Variants in NRDC observed in about 807,000 individuals in gnomAD.
The protein encoded by NRDC is nardilysin.
Under a neutral mutation model 147.1 loss-of-function variants are expected in NRDC, and 54 were observed. That is an observed-to-expected ratio of 0.37 (90% CI 0.29 to 0.46). NRDC has a LOEUF of 0.46. NRDC is among the 20% of genes least tolerant of loss of function. The probability of loss-of-function intolerance (pLI) is 1.00; values close to 1 mark genes in which losing one functional copy is unlikely to be tolerated. For synonymous variants in NRDC, 440 were observed against 482.1 expected, an observed-to-expected ratio of 0.91 and a Z score of 1.14; for missense variants, 1,082 against 1,370.6, an observed-to-expected ratio of 0.79 and a Z score of 3.33.
intron 17 of NRDC, among the ~76,000 whole-genome samples, chr1:51,807,358 C>A (rs1305852168): frequency 6.6e-6 from 1 of 152,116 alleles, no homozygotes; most frequent in Non-Finnish European, 1.5e-5. Context: ...TTCATTATCA[C>A]ATAGATGAAA....
At chr1:51,834,655 T>G (rs940139756) in intron 3 of NRDC, among the ~76,000 whole-genome samples, 1 of 152,140 alleles carries the variant, frequency 6.6e-6, no homozygotes, top group Non-Finnish European at 1.5e-5. Context: ...TTTTGTAACT[T>G]TCTATTATGC....
intron 2 of NRDC, chr1:51,837,306 A>T (rs1422307508): frequency 6.5e-6 from 3 of 463,494 alleles, no homozygotes; most frequent in African/African-American, 6.0e-5. Context: ...TGTACCTGGC[A>T]TAAAGTCTAG....
rs767418210 is a variant in NRDC, at chr1:51,827,880, A to C, written c.867-11T>G. ...AAGAACTGCGCCCATCTGAACAAAA[A>C]ACAAAACTGGCATTTCCGTTTTTGT... is the stretch of plus-strand genomic sequence containing the variant. On this transcript the variant is annotated splice_polypyrimidine_tract_variant and intron_variant, in intron 4 of 30. Coordinates refer to ENST00000352171, the MANE Select transcript of NRDC (RefSeq NM_001101662.2). The C allele has an allele frequency of 1.9e-6, 3 of 1,612,678 alleles. No homozygotes were observed. Among genetic ancestry groups the C allele is most frequent in the Non-Finnish European group, 2.5e-6 (3 of 1,179,060 alleles).
At chr1:51,810,184 C>T in intron 16 of NRDC, 97 bp downstream of exon 16, 1 of 853,390 alleles carries the variant, frequency 1.2e-6, no homozygotes, top group East Asian at 3.3e-5. Flanking sequence ...AAAAATTATA[C>T]TTTTTCCCCC....
At chr1:51,815,673 G>T (rs572719044) in intron 11 of NRDC, among the ~76,000 whole-genome samples, 2 of 150,794 alleles carry the variant, frequency 1.3e-5, no homozygotes, top group Admixed American at 6.6e-5. Flanking sequence ...TCTAGTACAC[G>T]AAAGTGTCTT....
At chr1:51,790,694 A>G in intron 28 of NRDC, 45 bp from the exon 29 acceptor site, 1 of 1,352,990 alleles carries the variant, frequency 7.4e-7, no homozygotes, top group Non-Finnish European at 1.1e-6. Flanking sequence ...GCAACATACC[A>G]CTTCCCACAG....
At chr1:51,796,997 G>A (rs566288213) in intron 22 of NRDC, among the ~76,000 whole-genome samples, 15 of 151,504 alleles carry the variant, frequency 9.9e-5, no homozygotes, top group Non-Finnish European at 1.9e-4. Context: ...TCAGGAGATC[G>A]AGACCATCCT....
intron 2 of NRDC, 124 bp from the exon 3 acceptor site, chr1:51,836,336 G>C: frequency 6.2e-7 from 1 of 1,604,804 alleles, no homozygotes; most frequent in South Asian, 1.1e-5. Flanking sequence ...TTCTTTCCCT[G>C]AGAATCAGGA....
At chr1:51,856,134 T>G (rs1339978660) in intron 1 of NRDC, among the ~76,000 whole-genome samples, 1 of 152,230 alleles carries the variant, frequency 6.6e-6, no homozygotes, top group Non-Finnish European at 1.5e-5. Context: ...TTTTTATTTT[T>G]AATGGAAACT....
At chr1:51,798,522 AC>A in intron 21 of NRDC, 111 bp from the exon 22 acceptor site, 1 of 885,752 alleles carries the variant, frequency 1.1e-6, no homozygotes, top group Non-Finnish European at 1.7e-6. Flanking sequence ...CTAAAGAGAG[AC>A]CATTTTTATC....
At chr1:51,878,208 G>A (rs936031236) in intron 1 of NRDC, 67 bp downstream of exon 1, 62 of 1,515,834 alleles carry the variant, frequency 4.1e-5, no homozygotes, top group Non-Finnish European at 5.3e-5. Context: ...GAGACAAGAA[G>A]TGACGGCGGC....
At chr1:51,815,475 T>G (rs1185433530) in intron 11 of NRDC, among the ~76,000 whole-genome samples, 1 of 151,858 alleles carries the variant, frequency 6.6e-6, no homozygotes, top group Non-Finnish European at 1.5e-5. Flanking sequence ...CCTGACTAGA[T>G]TAATTCTGAA....
chr1:51,823,716 G>C lies in NRDC; in HGVS notation c.1107C>G (p.Phe369Leu), dbSNP rs1425727695. The C allele has an allele frequency of 6.2e-7, 1 of 1,606,996 alleles. No individual in the cohort carries two copies. The highest frequency in any genetic ancestry group is 1.7e-4 in the Middle Eastern group (1 of 6,042). ...AATGAGAAGAGTAGTAACGCATCCA[G>C]AATTCTCTCAATCTAGCATGTGTAT... ...NIDTHARLRE[F>L]WMRYYSSHYM... Residue 369 changes from phenylalanine to leucine, a missense_variant, in exon 7 of 31, where the codon TTC becomes TTG. Coordinates refer to ENST00000352171, the MANE Select transcript of NRDC (RefSeq NM_001101662.2).
intron 24 of NRDC, 69 bp downstream of exon 24, chr1:51,794,403 T>G: frequency 1.3e-6 from 2 of 1,523,788 alleles, no homozygotes; most frequent in Non-Finnish European, 1.8e-6. Context: ...TAAAAGGGCC[T>G]TGAAGGTCAC....
chr1:51,851,809 G>A (rs1681964490), intron 1 of NRDC, among the ~76,000 whole-genome samples: 1 of 152,094 alleles, frequency 6.6e-6, no homozygotes, highest in South Asian at 2.1e-4. Context: ...CCTAAAACAA[G>A]GTTAAAATCC....
chr1:51,804,011 C>T (rs760405013), intron 19 of NRDC, 47 bp from the exon 20 acceptor site: 3 of 1,497,286 alleles, frequency 2.0e-6, no homozygotes, highest in Admixed American at 2.1e-5. Context: ...GTAAGAAAGA[C>T]ACATGAAATA....
chr1:51,808,843 A>C (rs1252996525), intron 17 of NRDC, among the ~76,000 whole-genome samples: 1 of 152,256 alleles, frequency 6.6e-6, no homozygotes, highest in Non-Finnish European at 1.5e-5. Flanking sequence ...TTATTTCTAC[A>C]TGCAATGAAA....
chr1:51,873,613 C>T (rs1219245524), intron 1 of NRDC, among the ~76,000 whole-genome samples: 1 of 151,612 alleles, frequency 6.6e-6, no homozygotes, highest in East Asian at 1.9e-4. Flanking sequence ...CAAGTTCAAG[C>T]GATTCCCCTG....
chr1:51,862,253 C>G (rs190841778), intron 1 of NRDC: 39 of 152,080 alleles, frequency 2.6e-4, no homozygotes, highest in African/African-American at 9.4e-4. Context: ...GGCTTTCCCC[C>G]CCGCCAATAA....
Sources: allele counts gnomAD v4.1 joint callset (sites outside exome capture counted in the v4.1 genomes callset), GRCh38; gene constraint gnomAD v4.1.1; transcripts MANE v1.5; gene names NCBI Gene and HGNC (gene_info 2026-07-23, HGNC 2026-07-21).